TAFA1: variants seen among roughly 807,000 people sequenced by gnomAD.
The protein encoded by TAFA1 is chemokine-like protein TAFA-1.
TAFA1 carries 4 observed loss-of-function variants against 18.5 expected under a neutral mutation model. The ratio of observed to expected loss-of-function variants is 0.22; its 90% CI spans 0.11 to 0.49. TAFA1 has a LOEUF of 0.49. TAFA1 is among the 20% of genes least tolerant of loss of function. The pLI is 0.98. For synonymous variants in TAFA1, 56 were observed against 55.2 expected (o/e 1.01, Z -0.06); for missense variants, 147 against 169.0 (o/e 0.87, Z 0.72).
intron 3 of TAFA1, among the ~76,000 whole-genome samples, chr3:68,521,890 C>T (rs1233545184): frequency 1.2e-5 from 1 of 83,570 alleles, no homozygotes; most frequent in Non-Finnish European, 2.2e-5. Context: ...GATAGGGTCT[C>T]ACTCTGTTAC....
chr3:68,186,772 A>T (rs1453911300), intron 2 of TAFA1, among the ~76,000 whole-genome samples: 1 of 151,994 alleles, frequency 6.6e-6, no homozygotes, highest in Non-Finnish European at 1.5e-5. Flanking sequence ...CTGGCTCTTT[A>T]GTAAGTGCTC....
intron 2 of TAFA1, among the ~76,000 whole-genome samples, chr3:68,124,848 A>G (rs1391168795): frequency 1.3e-5 from 2 of 152,200 alleles, no homozygotes; most frequent in African/African-American, 4.8e-5. Context: ...CAAAAGGCAG[A>G]ACTTCTGCTG....
At chr3:68,379,299 A>G (rs184871650) in intron 2 of TAFA1, among the ~76,000 whole-genome samples, 2 of 152,236 alleles carry the variant, frequency 1.3e-5, no homozygotes, top group South Asian at 2.1e-4. Flanking sequence ...CACCACATGT[A>G]TGTCTTCTTT....
chr3:68,200,916 C>T (rs1036745848), intron 2 of TAFA1, among the ~76,000 whole-genome samples: 37 of 151,290 alleles, frequency 2.4e-4, no homozygotes, highest in Non-Finnish European at 1.3e-4. Context: ...ATTTGCTCTC[C>T]TTTTTCTCAT....
intron 2 of TAFA1, among the ~76,000 whole-genome samples, chr3:68,373,885 A>G (rs1009258042): frequency 1.3e-5 from 2 of 152,236 alleles, no homozygotes; most frequent in African/African-American, 2.4e-5. Flanking sequence ...TTTCATGAGC[A>G]AAAGTAAACG....
At chr3:68,080,283 T>A (rs936896459) in intron 2 of TAFA1, among the ~76,000 whole-genome samples, 1 of 152,228 alleles carries the variant, frequency 6.6e-6, no homozygotes, top group African/African-American at 2.4e-5. Context: ...CCAGTCTGTG[T>A]CTTTTAATTG....
At chr3:68,173,247 T>G (rs545097382) in intron 2 of TAFA1, among the ~76,000 whole-genome samples, 1 of 152,256 alleles carries the variant, frequency 6.6e-6, no homozygotes, top group African/African-American at 2.4e-5. Flanking sequence ...TTACTTGAAA[T>G]ATGTACATTA....
chr3:68,273,285 A>G (rs1427546377), intron 2 of TAFA1, among the ~76,000 whole-genome samples: 1 of 152,172 alleles, frequency 6.6e-6, no homozygotes, highest in Admixed American at 6.6e-5. Flanking sequence ...AATGACCAGC[A>G]TGGCTAAACT....
intron 2 of TAFA1, among the ~76,000 whole-genome samples, chr3:68,191,943 T>C (rs1012924617): frequency 2.0e-5 from 3 of 151,832 alleles, no homozygotes; most frequent in African/African-American, 7.2e-5. Context: ...ATTATTCACT[T>C]TCTTTGCTTC....
chr3:68,385,627 A>G (rs543636355), intron 2 of TAFA1, among the ~76,000 whole-genome samples: 52 of 152,200 alleles, frequency 3.4e-4, no homozygotes, highest in African/African-American at 1.3e-3. Context: ...GGCAATCTCA[A>G]GTGTTTGCTA....
chr3:68,131,703 C>T (rs905034307), intron 2 of TAFA1, among the ~76,000 whole-genome samples: 1 of 152,176 alleles, frequency 6.6e-6, no homozygotes, highest in Non-Finnish European at 1.5e-5. Flanking sequence ...GTTCAAGGCT[C>T]ATGCCTTACA....
intron 2 of TAFA1, among the ~76,000 whole-genome samples, chr3:68,119,150 G>A (rs1477106328): frequency 2.0e-5 from 3 of 151,374 alleles, no homozygotes; most frequent in African/African-American, 2.4e-5. Flanking sequence ...ATCTTTTCAT[G>A]TGCTTATTGG....
chr3:68,510,609 T>C (rs1185732987), intron 3 of TAFA1, among the ~76,000 whole-genome samples: 4 of 152,120 alleles, frequency 2.6e-5, no homozygotes, highest in African/African-American at 9.7e-5. Context: ...ACAATATTGC[T>C]AAATAGGTTA....
At chr3:68,252,237 A>G (rs1021163714) in intron 2 of TAFA1, among the ~76,000 whole-genome samples, 1 of 152,064 alleles carries the variant, frequency 6.6e-6, no homozygotes, top group Non-Finnish European at 1.5e-5. Flanking sequence ...TCCTGCTACT[A>G]TTCAGGTTTC....
At chr3:68,127,912 G>C (rs999950260) in intron 2 of TAFA1, among the ~76,000 whole-genome samples, 56 of 148,398 alleles carry the variant, frequency 3.8e-4, no homozygotes, top group African/African-American at 1.4e-3. Context: ...GGTGGTGGTT[G>C]TGGTGATGCT....
At chr3:68,421,051 G>GATAGATATT (rs1384208650) in intron 3 of TAFA1, among the ~76,000 whole-genome samples, 4 of 152,124 alleles carry the variant, frequency 2.6e-5, no homozygotes, top group Non-Finnish European at 4.4e-5. Context: ...TATCTCTAAT[G>GATAGATATT]ATCTAGAAAT....
chr3:68,347,090 T>C (rs2069175512), intron 2 of TAFA1, among the ~76,000 whole-genome samples: 1 of 152,202 alleles, frequency 6.6e-6, no homozygotes, highest in Non-Finnish European at 1.5e-5. Flanking sequence ...GGATGACCAA[T>C]TCTTGAATCA....
intron 2 of TAFA1, among the ~76,000 whole-genome samples, chr3:68,100,466 G>A (rs2065134941): frequency 6.6e-6 from 1 of 152,050 alleles, no homozygotes; most frequent in African/African-American, 2.4e-5. Context: ...AGAGGGTGTT[G>A]GTTTAGCATG....
intron 3 of TAFA1, among the ~76,000 whole-genome samples, chr3:68,523,865 A>G (rs9867056): frequency 0.19 from 29,464 of 151,976 alleles, 3,285 homozygotes; most frequent in South Asian, 0.37. Context: ...ATTTTATGTC[A>G]TTTTTTTCCA....
Sources: allele counts gnomAD v4.1 joint callset (sites outside exome capture counted in the v4.1 genomes callset), GRCh38; gene constraint gnomAD v4.1.1; transcripts MANE v1.5; gene names NCBI Gene and HGNC (gene_info 2026-07-23, HGNC 2026-07-21).